The following FRMPD4 variants were observed in gnomAD, a reference collection of about 807,000 sequenced individuals.
FRMPD4 encodes FERM and PDZ domain containing 4.
A neutral mutation model predicts 94.1 loss-of-function variants in FRMPD4; 22 were observed. That is an observed-to-expected ratio of 0.23 (90% CI 0.17 to 0.33). The LOEUF is 0.33. Ranked by LOEUF, FRMPD4 falls within the 10% of genes least tolerant of loss-of-function variation. The probability of loss-of-function intolerance (pLI) is 1.00; values close to 1 mark genes in which losing one functional copy is unlikely to be tolerated. For synonymous variants in FRMPD4, 631 were observed against 548.6 expected, an observed-to-expected ratio of 1.15 and a Z score of -2.10; for missense variants, 1,111 against 1,339.9, an observed-to-expected ratio of 0.83 and a Z score of 2.67.
intron 1 of FRMPD4, among the ~76,000 whole-genome samples, chrX:12,204,027 A>C (rs1297566171): frequency 8.9e-6 from 1 of 112,266 alleles, no homozygotes; most frequent in Non-Finnish European, 1.9e-5. Flanking sequence ...TAAATGAGAG[A>C]TTTCCTTCTG....
intron 3 of FRMPD4, among the ~76,000 whole-genome samples, chrX:11,933,703 A>G (rs2054134546): frequency 8.9e-6 from 1 of 111,931 alleles, no homozygotes; most frequent in African/African-American, 3.2e-5. Context: ...TAGGATTGAA[A>G]CCGAGTTTCC....
intron 3 of FRMPD4, among the ~76,000 whole-genome samples, chrX:11,976,238 A>T (rs1240938276): frequency 8.9e-6 from 1 of 112,302 alleles, no homozygotes; most frequent in African/African-American, 3.2e-5. Context: ...TGCAATAGAA[A>T]TATCTGAATA....
chrX:12,371,419 G>A (rs1001593648), intron 1 of FRMPD4, among the ~76,000 whole-genome samples: 2 of 112,573 alleles, frequency 1.8e-5, no homozygotes, highest in African/African-American at 6.5e-5. Flanking sequence ...AGCATGGGGA[G>A]TAGAGGGGGA....
At chrX:12,690,906 T>G (rs2060073494) in intron 8 of FRMPD4, among the ~76,000 whole-genome samples, 1 of 111,867 alleles carries the variant, frequency 8.9e-6, no homozygotes, top group Non-Finnish European at 1.9e-5. Flanking sequence ...TGATTTTTCT[T>G]GTGACACAAG....
At chrX:11,903,359 C>A (rs1223191915) in intron 3 of FRMPD4, among the ~76,000 whole-genome samples, 1 of 112,383 alleles carries the variant, frequency 8.9e-6, no homozygotes, top group Non-Finnish European at 1.9e-5. Flanking sequence ...TGGCTGAAGA[C>A]CAGATTAAAG....
intron 1 of FRMPD4, among the ~76,000 whole-genome samples, chrX:12,329,904 C>G (rs1463649439): frequency 2.7e-5 from 3 of 109,612 alleles, no homozygotes; most frequent in African/African-American, 1.0e-4. Flanking sequence ...CTCACTGCCC[C>G]TATCTTGGCC....
chrX:12,008,451 T>G (rs1449878676), intron 3 of FRMPD4, among the ~76,000 whole-genome samples: 1 of 112,476 alleles, frequency 8.9e-6, no homozygotes. Flanking sequence ...ACCAGAGGAA[T>G]TGGGCTAAGG....
chrX:12,060,466 A>G (rs1178056823), intron 3 of FRMPD4, among the ~76,000 whole-genome samples: 1 of 107,331 alleles, frequency 9.3e-6, no homozygotes, highest in East Asian at 2.9e-4. Context: ...GGACAAAGCT[A>G]TTTTAAATAA....
rs749269384 is a variant in FRMPD4 at position 12,560,742 on chromosome X, C to CT, written c.159-48934dup. Reference sequence around the variant, plus strand: ...CCCTAGTGTATGCACCTCCCCTCATCTTTTTTTTTTTTTTTTTTTTTTTTT... The same window carrying CT: ...CCCTAGTGTATGCACCTCCCCTCATCTTTTTTTTTTTTTTTTTTTTTTTTTT... On this transcript the variant is annotated intron_variant, in intron 2 of 16. Coordinates refer to ENST00000675598, the MANE Select transcript of FRMPD4 (RefSeq NM_001368397.1). Among the ~76,000 whole-genome samples, 14 of 43,449 alleles carry CT rather than the reference C, an allele frequency of 3.2e-4. 1 individual carries two copies. The highest frequency in any genetic ancestry group is 2.2e-3 in the East Asian group (2 of 918). 37.7% of individuals were successfully genotyped at this position (43,449 alleles called of 115,157 possible).
Position 12,138,481 on chromosome X carries a change from T to A in FRMPD4, c.-491T>A. 6.4e-6 allele frequency: 1 copy of A among 156,289 alleles called. No individual in the cohort carries two copies. The highest frequency in any genetic ancestry group is 1.5e-4 in the East Asian group (1 of 6,854). 12.9% of individuals were successfully genotyped at this position (156,289 alleles called of 1,213,427 possible). Reference sequence around the variant, plus strand: ...GAAGGAGGCAGGGAGGCAGCTGCAGTGCTGCGAGGGGTGCGTGCGCGTGTG... The same window carrying A: ...GAAGGAGGCAGGGAGGCAGCTGCAGAGCTGCGAGGGGTGCGTGCGCGTGTG... On this transcript the variant is annotated 5_prime_UTR_variant, in exon 1 of 17. Transcript: ENST00000675598.
intron 3 of FRMPD4, among the ~76,000 whole-genome samples, chrX:11,994,755 A>G (rs2054487832): frequency 8.9e-6 from 1 of 111,789 alleles, no homozygotes; most frequent in Non-Finnish European, 1.9e-5. Flanking sequence ...TGAACTTCCC[A>G]TGCTTTCTAG....
chrX:12,656,709 T>C (rs12839763), intron 4 of FRMPD4, among the ~76,000 whole-genome samples: 7,297 of 112,087 alleles, frequency 0.065, 251 homozygotes, highest in Middle Eastern at 0.14. Context: ...GAAGTATATT[T>C]GGAAAGGAGC....
intron 1 of FRMPD4, among the ~76,000 whole-genome samples, chrX:12,456,237 C>T (rs2057332152): frequency 8.9e-6 from 1 of 111,885 alleles, no homozygotes; most frequent in Non-Finnish European, 1.9e-5. Flanking sequence ...CTCAAGTCTT[C>T]TTTCTCCATC....
chrX:12,717,839 A>G lies in FRMPD4; in HGVS notation c.3013A>G (p.Lys1005Glu), dbSNP rs1410797834. The change falls in exon 16 of 17, where the codon AAG (lysine) becomes GAG (glutamate). Residue 1005 changes from lysine to glutamate, a missense_variant. Lys to Glu is a moderately conservative substitution (Grantham distance 56). This residue lies in a region of FRMPD4 where 551 missense variants were observed against 591.6 expected (regional missense o/e 0.93). Transcript: ENST00000675598. Reference sequence around the variant, plus strand: ...GATGGAGCCTGAAACTATGGAGACTAAGTCGGTCACTGACTATTTTAGCAA... The same window carrying G: ...GATGGAGCCTGAAACTATGGAGACTGAGTCGGTCACTGACTATTTTAGCAA... ...MEMEPETMET[K>E]SVTDYFSKLH... is the part of the protein sequence containing the mutation. 8.3e-6 allele frequency: 10 copies of G among 1,209,098 alleles called. No homozygotes were observed. Among genetic ancestry groups the G allele is most frequent in the Non-Finnish European group, 1.1e-5 (10 of 893,897 alleles).
At chrX:12,007,597 T>A (rs867569774) in intron 3 of FRMPD4, among the ~76,000 whole-genome samples, 8 of 111,182 alleles carry the variant, frequency 7.2e-5, no homozygotes, top group African/African-American at 2.6e-4. Context: ...GCAAATGCTG[T>A]CATCTAAAAT....
chrX:11,877,594 C>A (rs1036837820), intron 2 of FRMPD4, among the ~76,000 whole-genome samples: 1 of 111,948 alleles, frequency 8.9e-6, no homozygotes, highest in Non-Finnish European at 1.9e-5. Flanking sequence ...CCATGTCAGA[C>A]CTAATTGCTG....
intron 3 of FRMPD4, among the ~76,000 whole-genome samples, chrX:11,914,096 T>C (rs1000971793): frequency 8.9e-6 from 1 of 111,844 alleles, no homozygotes; most frequent in African/African-American, 3.2e-5. Flanking sequence ...TATTCCATAA[T>C]ATCTCTTGGA....
At chrX:12,455,658 T>C (rs137995443) in intron 1 of FRMPD4, among the ~76,000 whole-genome samples, 31 of 111,807 alleles carry the variant, frequency 2.8e-4, no homozygotes, top group South Asian at 7.6e-4. Context: ...TAGGACATCA[T>C]TGGACCAAGT....
chrX:12,592,258 G>A (rs964002960), intron 2 of FRMPD4, among the ~76,000 whole-genome samples: 9 of 111,604 alleles, frequency 8.1e-5, no homozygotes, highest in African/African-American at 2.0e-4. Context: ...ATTCTTCGTC[G>A]AACCTAATCA....
Sources: allele counts gnomAD v4.1 joint callset (sites outside exome capture counted in the v4.1 genomes callset), GRCh38; gene constraint gnomAD v4.1.1; regional missense constraint gnomAD v4.1.1; transcripts MANE v1.5; gene names NCBI Gene and HGNC (gene_info 2026-07-23, HGNC 2026-07-21).